TRERF1: variants seen among roughly 807,000 people sequenced by gnomAD.
TRERF1 encodes transcriptional regulating factor 1, also known as transcriptional-regulating factor 1.
Under a neutral mutation model 122.9 loss-of-function variants are expected in TRERF1, and 27 were observed. That is an observed-to-expected ratio of 0.22 (90% CI 0.16 to 0.30). TRERF1 has a LOEUF of 0.30. TRERF1 is among the 10% of genes least tolerant of loss of function. TRERF1 has a pLI of 1.00. For missense variants in TRERF1, 1,248 were observed against 1,560.3 expected (o/e 0.80, Z 3.37); for synonymous variants, 636 against 641.7 (o/e 0.99, Z 0.13).
Position 42,375,855 on chromosome 6 carries a change from A to ACAGGGGCCAGAG in TRERF1, c.-453-12788_-453-12777dup, listed in dbSNP as rs561525314. The stretch of plus-strand genomic sequence containing the variant: ...ACAAGGGCAAGCAGAAGTGAACTTC[A>ACAGGGGCCAGAG]CAGGGGCCAGAGCAGATAAGAACCA... On this transcript the variant is annotated intron_variant, in intron 2 of 17. Transcript: ENST00000372922. Among the ~76,000 whole-genome samples the ACAGGGGCCAGAG allele has an allele frequency of 1.5e-4, 23 of 152,244 alleles. 1 individual carries two copies. In the East Asian group the frequency reaches 2.7e-3, roughly 18 times the overall value.
rs1232334541 is a variant in TRERF1, at chr6:42,381,773, A to G, written c.-453-18694T>C. Among the ~76,000 whole-genome samples, 3 of 150,862 alleles carry G rather than the reference A, an allele frequency of 2.0e-5. No homozygotes were observed. In the Admixed American group the frequency reaches 2.0e-4, roughly 10 times the overall value. On this transcript the variant is annotated intron_variant, in intron 2 of 17. Transcript: ENST00000372922. Reference sequence around the variant, plus strand: ...ACAAGCTTCAGCACCTCCTGGGAGAAGCAGAGCCCACCCCAGACTTGGGGA... The same window carrying G: ...ACAAGCTTCAGCACCTCCTGGGAGAGGCAGAGCCCACCCCAGACTTGGGGA...
Position 42,269,351 on chromosome 6 carries a change from C to T in TRERF1, c.240G>A (p.Ser80=), listed in dbSNP as rs771716581. 4.0e-5 allele frequency: 64 copies of T among 1,614,118 alleles called. No homozygotes were observed. The highest frequency in any genetic ancestry group is 1.6e-4 in the Middle Eastern group (1 of 6,062). ...CATGACTTCCCCACCCTCCCTGCCT[C>T]GAGGTATCCATTTGGCCAAGGTTTT... The change falls in exon 5 of 18, where the codon TCG becomes TCA. Residue 80 remains serine (S), a synonymous_variant. Transcript: ENST00000372922. The surrounding 1 kb of genome is among the most constrained non-coding windows in gnomAD (Gnocchi z 4.9).
chr6:42,353,064 T>G (rs1404288510), intron 3 of TRERF1, among the ~76,000 whole-genome samples: 1 of 152,196 alleles, frequency 6.6e-6, no homozygotes, highest in Non-Finnish European at 1.5e-5. Context: ...CACTTTGTAG[T>G]CCTAGCTACT....
intron 2 of TRERF1, among the ~76,000 whole-genome samples, chr6:42,407,145 C>T (rs934025241): frequency 2.6e-5 from 4 of 152,176 alleles, no homozygotes; most frequent in African/African-American, 9.7e-5. Context: ...TTCCTTCCTG[C>T]TTTTTCCACA....
At chr6:42,431,917 AG>A (rs1445589398) in intron 2 of TRERF1, among the ~76,000 whole-genome samples, 2 of 152,240 alleles carry the variant, frequency 1.3e-5, no homozygotes, top group African/African-American at 4.8e-5. Context: ...CCCAACTAAC[AG>A]AAGACTGAGG....
At chr6:42,360,664 CA>C (rs60980630) in intron 3 of TRERF1, among the ~76,000 whole-genome samples, 7,344 of 150,780 alleles carry the variant, frequency 0.049, 443 homozygotes, top group East Asian at 0.18. Context: ...ACAAAGTGTC[CA>C]GAACTCTACA....
rs1432445830 is a variant in TRERF1 at position 42,378,150 on chromosome 6, A to C, written c.-453-15071T>G. 4.6e-5 allele frequency among the ~76,000 whole-genome samples: 7 copies of C among 152,106 alleles called. No homozygotes were observed. In the East Asian group the frequency reaches 1.3e-3, roughly 29 times the overall value. On this transcript the variant is annotated intron_variant, in intron 2 of 17. Transcript: ENST00000372922. The stretch of plus-strand genomic sequence containing the variant: ...GGTTGAGGGGCAGGTGAGGGGTTGA[A>C]GGGAGGTGGAGATAAGCGGATGAGG...
At chr6:42,354,117 G>T (rs553565885) in intron 3 of TRERF1, among the ~76,000 whole-genome samples, 6 of 152,324 alleles carry the variant, frequency 3.9e-5, no homozygotes, top group South Asian at 2.1e-4. Flanking sequence ...GCATGGGTGG[G>T]ATTGGGGTTT....
chr6:42,238,870 C>CAA (rs61231119), intron 15 of TRERF1, among the ~76,000 whole-genome samples: 10,902 of 148,796 alleles, frequency 0.073, 468 homozygotes, highest in African/African-American at 0.092. Context: ...CACACACACA[C>CAA]AATTTCTAGT....
chr6:42,245,008 C>T (rs945175937), intron 14 of TRERF1, among the ~76,000 whole-genome samples: 3 of 152,258 alleles, frequency 2.0e-5, no homozygotes, highest in Admixed American at 2.0e-4. Flanking sequence ...AGTCCTGTCT[C>T]CTCAAAGTTG....
At chr6:42,303,927 A>AAAAAAG (rs1554157103) in intron 3 of TRERF1, among the ~76,000 whole-genome samples, 4 of 150,006 alleles carry the variant, frequency 2.7e-5, no homozygotes, top group African/African-American at 9.9e-5. Context: ...AAAAAAAAAA[A>AAAAAAG]AAGAAGATGT....
intron 13 of TRERF1, among the ~76,000 whole-genome samples, chr6:42,253,935 C>A (rs980111108): frequency 6.6e-6 from 1 of 152,210 alleles, no homozygotes; most frequent in African/African-American, 2.4e-5. Flanking sequence ...GATTAAAAAT[C>A]AAGAGGCACT....
At chr6:42,392,798 T>C (rs2151266257) in intron 2 of TRERF1, among the ~76,000 whole-genome samples, 1 of 152,136 alleles carries the variant, frequency 6.6e-6, no homozygotes, top group East Asian at 1.9e-4. Flanking sequence ...CATTAACATA[T>C]GAAAGGTGAC....
At chr6:42,410,968 T>A (rs1322342155) in intron 2 of TRERF1, among the ~76,000 whole-genome samples, 1 of 152,216 alleles carries the variant, frequency 6.6e-6, no homozygotes, top group East Asian at 1.9e-4. Flanking sequence ...GCAGGCCTCC[T>A]GTCTGGAGAG....
intron 2 of TRERF1, among the ~76,000 whole-genome samples, chr6:42,405,828 A>G (rs260286): frequency 6.8e-6 from 1 of 147,768 alleles, no homozygotes; most frequent in Non-Finnish European, 1.5e-5. Flanking sequence ...TAAAAAAAAT[A>G]AAAAAAAAAT....
At chr6:42,323,935 A>G (rs1209744880) in intron 3 of TRERF1, among the ~76,000 whole-genome samples, 1 of 152,212 alleles carries the variant, frequency 6.6e-6, no homozygotes, top group African/African-American at 2.4e-5. Context: ...ACTTTATTTC[A>G]GAACAGATTG....
At chr6:42,394,188 T>C (rs1007332985) in intron 2 of TRERF1, among the ~76,000 whole-genome samples, 2 of 152,126 alleles carry the variant, frequency 1.3e-5, no homozygotes, top group Non-Finnish European at 2.9e-5. Context: ...AGGCCTCTGA[T>C]ACTTTCCCCA....
At chr6:42,445,850 A>G (rs1787417888) in intron 2 of TRERF1, among the ~76,000 whole-genome samples, 1 of 152,018 alleles carries the variant, frequency 6.6e-6, no homozygotes, top group Non-Finnish European at 1.5e-5. Context: ...CCACCAATGC[A>G]ATCTTCTTAA....
chr6:42,398,183 G>T (rs1478687620), intron 2 of TRERF1, among the ~76,000 whole-genome samples: 1 of 152,176 alleles, frequency 6.6e-6, no homozygotes, highest in Admixed American at 6.5e-5. Context: ...GATGTATGCG[G>T]ACTGGATGAA....
Sources: allele counts gnomAD v4.1 joint callset (sites outside exome capture counted in the v4.1 genomes callset), GRCh38; gene constraint gnomAD v4.1.1; non-coding constraint Gnocchi (gnomAD v3.1); transcripts MANE v1.5; gene names NCBI Gene and HGNC (gene_info 2026-07-23, HGNC 2026-07-21).